Variants in NETO1 observed in about 807,000 individuals in gnomAD.
NETO1 encodes neuropilin and tolloid like 1, also known as neuropilin and tolloid-like protein 1.
A neutral mutation model predicts 61.3 loss-of-function variants in NETO1; 26 were observed. That is an observed-to-expected ratio of 0.42 (90% CI 0.31 to 0.59). The LOEUF (loss-of-function observed/expected upper bound fraction) is 0.59. Ranked by LOEUF, NETO1 falls within the 20% of genes least tolerant of loss-of-function variation. The pLI, the probability that NETO1 is intolerant of heterozygous loss-of-function variation, is 0.12. For missense variants in NETO1, 531 were observed against 662.8 expected (o/e 0.80, Z 2.18); for synonymous variants, 225 against 225.8 (o/e 1.00, Z 0.03).
intron 4 of NETO1, among the ~76,000 whole-genome samples, chr18:72,822,888 T>C (rs1048971063): frequency 1.3e-5 from 2 of 152,216 alleles, no homozygotes; most frequent in African/African-American, 4.8e-5. Context: ...TGTGTGTATA[T>C]GTTTATATTG....
At chr18:72,764,867 C>T (rs993203434) in intron 7 of NETO1, among the ~76,000 whole-genome samples, 3 of 152,146 alleles carry the variant, frequency 2.0e-5, no homozygotes, top group African/African-American at 7.2e-5. Context: ...GTCCTTTCTT[C>T]CCCGGATACC....
At position 72,830,662 on chromosome 18, in the gene NETO1, T is replaced by C. The variant is rs2073546537; in HGVS notation, c.469+28164A>G. Reference sequence around the variant, plus strand: ...AGGTTACAGGCAAAGCATATGAAAATCTGTCTTAATCCTGATTCCTAGTTG... The same window carrying C: ...AGGTTACAGGCAAAGCATATGAAAACCTGTCTTAATCCTGATTCCTAGTTG... On this transcript the variant is annotated intron_variant, in intron 4 of 10. Transcript: ENST00000327305. This position sits in a 1 kb window ranked among gnomAD's most constrained non-coding sequence, Gnocchi z 4.9. 6.6e-6 allele frequency among the ~76,000 whole-genome samples: 1 copy of C among 152,006 alleles called. No individual in the cohort carries two copies. Among genetic ancestry groups the C allele is most frequent in the Non-Finnish European group, 1.5e-5 (1 of 67,974 alleles).
chr18:72,845,603 C>A (rs17728482), intron 4 of NETO1, among the ~76,000 whole-genome samples: 49,651 of 151,980 alleles, frequency 0.33, 8,631 homozygotes, highest in South Asian at 0.4. Context: ...ATTTTAATGG[C>A]AAAACTCAAA....
chr18:72,855,056 T>C (rs899607640), intron 4 of NETO1, among the ~76,000 whole-genome samples: 1 of 152,260 alleles, frequency 6.6e-6, no homozygotes, highest in Non-Finnish European at 1.5e-5. Context: ...AATATAATTC[T>C]AATACAATAA....
chr18:72,801,310 A>G (rs547668458), intron 4 of NETO1, among the ~76,000 whole-genome samples: 4 of 152,316 alleles, frequency 2.6e-5, no homozygotes, highest in Non-Finnish European at 4.4e-5. Flanking sequence ...AGTTTTTTAA[A>G]TGTTATTGCA....
At chr18:72,859,716 A>G (rs903993012) in intron 3 of NETO1, among the ~76,000 whole-genome samples, 2 of 152,148 alleles carry the variant, frequency 1.3e-5, no homozygotes, top group African/African-American at 2.4e-5. Context: ...CACTTCAGAC[A>G]TGTCTTGTCT....
At chr18:72,788,915 G>C (rs916999668) in intron 6 of NETO1, among the ~76,000 whole-genome samples, 3 of 152,062 alleles carry the variant, frequency 2.0e-5, no homozygotes, top group African/African-American at 7.2e-5. Flanking sequence ...CATTATTTGA[G>C]GCAATTATTT....
At chr18:72,839,696 G>T (rs1002855584) in intron 4 of NETO1, among the ~76,000 whole-genome samples, 6 of 152,188 alleles carry the variant, frequency 3.9e-5, no homozygotes, top group African/African-American at 1.2e-4. Context: ...CTAAGGTATA[G>T]ATAGAGTGTA....
chr18:72,767,347 C>T (rs2071201308), intron 7 of NETO1, among the ~76,000 whole-genome samples: 1 of 152,144 alleles, frequency 6.6e-6, no homozygotes, highest in South Asian at 2.1e-4. Context: ...CCCAATGATT[C>T]TACTAAAAAT....
chr18:72,817,068 G>A (rs572769726), intron 4 of NETO1, among the ~76,000 whole-genome samples: 1 of 152,300 alleles, frequency 6.6e-6, no homozygotes, highest in African/African-American at 2.4e-5. Context: ...TCCCTTTATA[G>A]GGATGACAGT....
chr18:72,750,356 T>C lies in NETO1; in HGVS notation c.1247A>G (p.Asn416Ser). 6.2e-7 allele frequency: 1 copy of C among 1,614,086 alleles called. No individual in the cohort carries two copies. The highest frequency in any genetic ancestry group is 8.5e-7 in the Non-Finnish European group (1 of 1,180,010). ...DFADVADDFE[N>S]YHKLRRSSSK... is the part of the protein sequence containing the mutation. The stretch of plus-strand genomic sequence containing the variant: ...AGATGACCTCCGCAGTTTATGGTAA[T>C]TTTCAAAGTCATCTGCCACATCTGC... The change falls in exon 9 of 11, where the codon AAT becomes AGT. Residue 416 changes from asparagine to serine, a missense_variant. Asn to Ser is a conservative substitution (Grantham distance 46, BLOSUM62 1). Transcript: ENST00000327305.
intron 3 of NETO1, among the ~76,000 whole-genome samples, chr18:72,862,063 A>G (rs1160911064): frequency 1.3e-5 from 2 of 151,916 alleles, no homozygotes; most frequent in Non-Finnish European, 2.9e-5. Flanking sequence ...TACTCATTCC[A>G]TTACTTTTTT....
At chr18:72,849,546 C>G (rs555469198) in intron 4 of NETO1, among the ~76,000 whole-genome samples, 2 of 152,336 alleles carry the variant, frequency 1.3e-5, no homozygotes, top group Admixed American at 1.3e-4. Flanking sequence ...ACATGCTTCT[C>G]AAAATTCTTC....
chr18:72,814,104 G>C (rs2072954028), intron 4 of NETO1, among the ~76,000 whole-genome samples: 1 of 152,004 alleles, frequency 6.6e-6, no homozygotes, highest in Admixed American at 6.6e-5. Context: ...TTTTCACTAA[G>C]GGAATGTCTG....
At chr18:72,842,146 AG>A (rs1265269536) in intron 4 of NETO1, among the ~76,000 whole-genome samples, 3 of 152,242 alleles carry the variant, frequency 2.0e-5, no homozygotes, top group Non-Finnish European at 4.4e-5. Context: ...GCAAAAATGC[AG>A]AGTAGTGCCT....
chr18:72,780,058 C>T (rs1314675392), intron 7 of NETO1, among the ~76,000 whole-genome samples: 1 of 152,162 alleles, frequency 6.6e-6, no homozygotes, highest in African/African-American at 2.4e-5. Context: ...AAATGCCTCA[C>T]CTCCTTATCC....
At chr18:72,850,732 T>C (rs1370207587) in intron 4 of NETO1, among the ~76,000 whole-genome samples, 1 of 152,234 alleles carries the variant, frequency 6.6e-6, no homozygotes. Context: ...TTATTTGTTT[T>C]GTTTTTGTCA....
intron 4 of NETO1, among the ~76,000 whole-genome samples, chr18:72,800,730 C>CT (rs1450484963): frequency 6.6e-6 from 1 of 152,170 alleles, no homozygotes; most frequent in Non-Finnish European, 1.5e-5. Context: ...CTTTGTGTCT[C>CT]TTGACCCTCT....
intron 4 of NETO1, among the ~76,000 whole-genome samples, chr18:72,841,272 A>G (rs1795664181): frequency 6.6e-6 from 1 of 152,170 alleles, no homozygotes; most frequent in South Asian, 2.1e-4. Flanking sequence ...GTTTTCTGAG[A>G]TGGCAGGATG....
Sources: gnomAD v4.1 joint callset for allele counts (sites outside exome capture counted in the v4.1 genomes callset) on GRCh38, gnomAD v4.1.1 for gene constraint, Gnocchi (gnomAD v3.1) non-coding constraint, MANE v1.5 for transcripts, NCBI Gene and HGNC (gene_info 2026-07-23, HGNC 2026-07-21) for gene names.